Variants in STS observed in about 807,000 individuals in gnomAD.
The protein encoded by STS is steryl-sulfatase.
Under a neutral mutation model 26.8 loss-of-function variants are expected in STS, and 7 were observed. The observed-to-expected ratio is 0.26, with a 90% CI of 0.15 to 0.49. STS has a LOEUF of 0.49. Among genes scored for constraint, STS ranks in the 20% least tolerant of loss-of-function variants. STS has a pLI of 0.98. For missense variants in STS, 434 were observed against 465.6 expected, an observed-to-expected ratio of 0.93 and a Z score of 0.63; for synonymous variants, 199 against 189.4, an observed-to-expected ratio of 1.05 and a Z score of -0.42.
chrX:7,242,866 G>C (rs963342826), intron 2 of STS, among the ~76,000 whole-genome samples: 7 of 111,326 alleles, frequency 6.3e-5, no homozygotes, highest in Non-Finnish European at 1.1e-4. Context: ...GTCTTGCAGG[G>C]TGACTGTGTG....
At chrX:7,188,584 T>C (rs1245681809) in intron 1 of STS, among the ~76,000 whole-genome samples, 1 of 111,896 alleles carries the variant, frequency 8.9e-6, no homozygotes, top group Admixed American at 9.5e-5. Flanking sequence ...TCTGTAAGTA[T>C]AGGCTCTTCG....
At chrX:7,302,949 C>A (rs1184996003) in intron 7 of STS, among the ~76,000 whole-genome samples, 1 of 111,512 alleles carries the variant, frequency 9.0e-6, no homozygotes, top group Non-Finnish European at 1.9e-5. Flanking sequence ...ATGTCTAGAC[C>A]AGTGACAGCA....
chrX:7,325,071 C>A (rs1927345786), intron 8 of STS, among the ~76,000 whole-genome samples: 1 of 111,895 alleles, frequency 8.9e-6, no homozygotes, highest in Non-Finnish European at 1.9e-5. Flanking sequence ...TGACTCAAAT[C>A]TTTGTTGCGT....
chrX:7,325,466 C>G lies in STS; in HGVS notation c.1209C>G (p.Ala403=). 1.7e-6 allele frequency: 2 copies of G among 1,211,247 alleles called. No homozygotes were observed. The highest frequency in any genetic ancestry group is 1.8e-5 in the South Asian group (1 of 56,935). The change falls in exon 9 of 11, where the codon GCC becomes GCG. Residue 403 remains alanine, a synonymous_variant. Transcript: ENST00000674429. ...ACATGGACATATTTCCTACAGTAGC[C>G]AAGCTGGCTGGAGCTCCCTTGCCTG... is the stretch of plus-strand genomic sequence containing the variant. ...TSNMDIFPTV[A]KLAGAPLPED... is the part of the protein sequence containing the mutation.
At chrX:7,285,192 C>T (rs1313468090) in intron 7 of STS, among the ~76,000 whole-genome samples, 1 of 111,182 alleles carries the variant, frequency 9.0e-6, no homozygotes, top group African/African-American at 3.3e-5. Context: ...TGCCCAAAGT[C>T]ATGGAGATGG....
At chrX:7,324,398 G>C (rs778364066) in intron 8 of STS, among the ~76,000 whole-genome samples, 3 of 111,541 alleles carry the variant, frequency 2.7e-5, no homozygotes, top group Non-Finnish European at 3.8e-5. Context: ...AAAGATACCA[G>C]ACTCTTGGTC....
intron 2 of STS, among the ~76,000 whole-genome samples, chrX:7,205,153 A>G (rs1379769968): frequency 2.7e-5 from 3 of 112,309 alleles, no homozygotes; most frequent in Admixed American, 9.4e-5. Flanking sequence ...CAATTGCACA[A>G]TCATCCATGC....
intron 2 of STS, among the ~76,000 whole-genome samples, chrX:7,237,336 G>C (rs1173805256): frequency 9.1e-6 from 1 of 110,489 alleles, no homozygotes; most frequent in African/African-American, 3.3e-5. Flanking sequence ...TGTTAGTAGA[G>C]ACAGGATTTC....
intron 2 of STS, among the ~76,000 whole-genome samples, chrX:7,195,796 A>T (rs764244873): frequency 8.9e-6 from 1 of 112,375 alleles, no homozygotes; most frequent in Non-Finnish European, 1.9e-5. Flanking sequence ...CTGTAAGAAC[A>T]GCACTGATTT....
chrX:7,237,944 T>C (rs1922399235), intron 2 of STS, among the ~76,000 whole-genome samples: 1 of 111,375 alleles, frequency 9.0e-6, no homozygotes, highest in Admixed American at 9.5e-5. Flanking sequence ...ATTTTTTACT[T>C]TTGTTTCTGA....
At chrX:7,217,643 T>G (rs963378677) in intron 2 of STS, among the ~76,000 whole-genome samples, 1 of 111,006 alleles carries the variant, frequency 9.0e-6, no homozygotes, top group Non-Finnish European at 1.9e-5. Flanking sequence ...TTTTGACTCT[T>G]GTTTGGTTTT....
chrX:7,233,094 T>TC (rs1922146089), intron 2 of STS, among the ~76,000 whole-genome samples: 1 of 92,579 alleles, frequency 1.1e-5, no homozygotes, highest in Non-Finnish European at 2.2e-5. Context: ...TTTTTTTCTT[T>TC]TTTTTTTTTT....
At chrX:7,152,775 A>G (rs1203115318) in intron 1 of STS, among the ~76,000 whole-genome samples, 1 of 112,741 alleles carries the variant, frequency 8.9e-6, no homozygotes, top group East Asian at 2.8e-4. Flanking sequence ...AAGTGTATTT[A>G]TGGCTTATAT....
intron 8 of STS, among the ~76,000 whole-genome samples, chrX:7,322,406 C>G: frequency 9.0e-6 from 1 of 111,692 alleles, no homozygotes; most frequent in Non-Finnish European, 1.9e-5. Flanking sequence ...CTCTCTCTCT[C>G]TTTTTCTTTT....
At chrX:7,254,834 C>T (rs1290298069) in intron 3 of STS, among the ~76,000 whole-genome samples, 2 of 110,580 alleles carry the variant, frequency 1.8e-5, no homozygotes, top group African/African-American at 6.6e-5. Context: ...CCACCTGCCT[C>T]GGCCTCCCAA....
chrX:7,277,489 G>A (rs1220517047), intron 7 of STS, among the ~76,000 whole-genome samples: 1 of 111,619 alleles, frequency 9.0e-6, no homozygotes, highest in Admixed American at 9.6e-5. Flanking sequence ...CATGAAAGGA[G>A]CACCTTCTTA....
At chrX:7,249,909 A>G (rs1434162467) in intron 2 of STS, among the ~76,000 whole-genome samples, 1 of 111,140 alleles carries the variant, frequency 9.0e-6, no homozygotes, top group African/African-American at 3.3e-5. Context: ...GGTTGTAGAA[A>G]GTCTGTATTC....
In STS at chrX:7,148,116, T is replaced by G. The variant is rs772158489; in HGVS notation, c.-134+33T>G. The G allele has an allele frequency of 6.4e-5, 70 of 1,093,379 alleles. No individual in the cohort carries two copies. The African/African-American group carries it at 1.2e-3, about 19-fold the overall frequency. 90.1% of individuals were successfully genotyped at this position (1,093,379 alleles called of 1,213,427 possible). A position where few individuals can be genotyped will look rare whatever the true frequency, so the allele number is the denominator to read the frequency against. The stretch of plus-strand genomic sequence containing the variant: ...ACGGGCTGCGGGGGCGCCGCCATGG[T>G]GGCGCCTTCTGGGTCTGGGTGGGGG... On this transcript the variant is annotated intron_variant, in intron 1 of 10. Transcript: ENST00000674429.
At position 7,215,516 on chromosome X, in the gene STS, C is replaced by T. The variant is rs1284721594; in HGVS notation, c.-5+24508C>T. On this transcript the variant is annotated intron_variant, in intron 2 of 10. Coordinates refer to ENST00000674429, the MANE Select transcript of STS (RefSeq NM_001320752.2). ...TAGGGCTCCTGATGAATGATACCTC[C>T]AGTGGAGACTGGCCTGGATTGGAAT... is the stretch of plus-strand genomic sequence containing the variant. 3.6e-5 allele frequency among the ~76,000 whole-genome samples: 4 copies of T among 110,899 alleles called. No homozygotes were observed. The East Asian group carries it at 1.1e-3, about 32-fold the overall frequency.
Sources: allele counts gnomAD v4.1 joint callset (sites outside exome capture counted in the v4.1 genomes callset), GRCh38; gene constraint gnomAD v4.1.1; transcripts MANE v1.5; gene names NCBI Gene and HGNC (gene_info 2026-07-23, HGNC 2026-07-21).